SNTB1: variants seen among roughly 807,000 people sequenced by gnomAD.
SNTB1 encodes the protein syntrophin beta 1, also known as beta-1-syntrophin.
SNTB1 carries 36 observed loss-of-function variants against 48.9 expected under a neutral mutation model. The ratio of observed to expected loss-of-function variants is 0.74; its 90% CI spans 0.56 to 0.97. SNTB1 has a LOEUF of 0.97. Among genes scored for constraint, SNTB1 ranks in the 50% least tolerant of loss-of-function variants. The pLI, the probability that SNTB1 is intolerant of heterozygous loss-of-function variation, is 0.00. For missense variants in SNTB1, 786 were observed against 703.4 expected, an observed-to-expected ratio of 1.12 and a Z score of -1.33; for synonymous variants, 299 against 294.6, an observed-to-expected ratio of 1.01 and a Z score of -0.15.
chr8:120,697,175 T>C lies in SNTB1; in HGVS notation c.572-3267A>G, dbSNP rs146101002. Among the ~76,000 whole-genome samples, 50 of 152,348 alleles carry C rather than the reference T, an allele frequency of 3.3e-4. 1 individual carries two copies. The highest frequency in any genetic ancestry group is 1.1e-3 in the African/African-American group (46 of 41,586). ...ATGGGGAGTATAGCAAGTCTTAGCC[T>C]AGAAACAAATATTTGCCAAATAACC... On this transcript the variant is annotated intron_variant, in intron 1 of 6. Transcript: ENST00000517992.
chr8:120,596,867 G>A (rs1267744714), intron 3 of SNTB1, among the ~76,000 whole-genome samples: 1 of 152,152 alleles, frequency 6.6e-6, no homozygotes, highest in African/African-American at 2.4e-5. Flanking sequence ...AGACTACTCT[G>A]TTCATTTCAA....
At chr8:120,803,354 TGTCTTAA>T (rs1820264531) in intron 1 of SNTB1, among the ~76,000 whole-genome samples, 1 of 152,202 alleles carries the variant, frequency 6.6e-6, no homozygotes, top group Admixed American at 6.5e-5. Context: ...TATATATTTT[TGTCTTAA>T]GTCTTAACTC....
chr8:120,709,357 A>G (rs1818426156), intron 1 of SNTB1, among the ~76,000 whole-genome samples: 1 of 152,158 alleles, frequency 6.6e-6, no homozygotes, highest in Non-Finnish European at 1.5e-5. Context: ...AGAGTGAACT[A>G]TTTCAGTTTT....
At chr8:120,708,476 T>C (rs1254794387) in intron 1 of SNTB1, among the ~76,000 whole-genome samples, 2 of 152,012 alleles carry the variant, frequency 1.3e-5, no homozygotes, top group Non-Finnish European at 2.9e-5. Flanking sequence ...ATAACTTTAA[T>C]AACAAAAGAA....
intron 1 of SNTB1, among the ~76,000 whole-genome samples, chr8:120,703,048 A>T (rs528548543): frequency 9.2e-5 from 14 of 152,376 alleles, no homozygotes; most frequent in Admixed American, 2.6e-4. Context: ...TGCAATTAGC[A>T]CAACTGTCTG....
intron 2 of SNTB1, among the ~76,000 whole-genome samples, chr8:120,670,260 T>G (rs1037867351): frequency 1.3e-5 from 2 of 152,218 alleles, no homozygotes; most frequent in East Asian, 3.9e-4. Context: ...TGGAAGGGGT[T>G]TGAAGACAGT....
intron 1 of SNTB1, among the ~76,000 whole-genome samples, chr8:120,711,747 C>T (rs936464898): frequency 6.6e-6 from 1 of 152,014 alleles, no homozygotes; most frequent in African/African-American, 2.4e-5. Flanking sequence ...CTCTGAGGAC[C>T]CTAAAACATA....
At chr8:120,580,782 C>A (rs1464909754) in intron 3 of SNTB1, among the ~76,000 whole-genome samples, 1 of 152,170 alleles carries the variant, frequency 6.6e-6, no homozygotes, top group African/African-American at 2.4e-5. Flanking sequence ...TGCATCAACT[C>A]TCAGGGAGGC....
In SNTB1 at chr8:120,811,685, G is replaced by A; in HGVS notation, c.159C>T (p.Gly53=). The A allele has an allele frequency of 1.3e-6, 2 of 1,589,866 alleles. No homozygotes were observed. Among genetic ancestry groups the A allele is most frequent in the Non-Finnish European group, 1.7e-6 (2 of 1,172,068 alleles). The change falls in exon 1 of 7, where the codon GGC becomes GGT. Residue 53 remains glycine (G), a synonymous_variant. Transcript: ENST00000517992. The stretch of plus-strand genomic sequence containing the variant: ...TCCCGATGCCGTTGTACGCCGCAGC[G>A]CCCTCCTCGCTGCTCAGAACCAGGG... The part of the protein sequence containing the change: ...EDALVLSSEE[G]AAAYNGIGTA...
At chr8:120,752,456 A>C (rs1819236140) in intron 1 of SNTB1, among the ~76,000 whole-genome samples, 1 of 152,162 alleles carries the variant, frequency 6.6e-6, no homozygotes, top group African/African-American at 2.4e-5. Flanking sequence ...TATCTAAAGG[A>C]AAATCAATCA....
At chr8:120,628,479 G>A (rs1816921740) in intron 3 of SNTB1, among the ~76,000 whole-genome samples, 1 of 152,144 alleles carries the variant, frequency 6.6e-6, no homozygotes, top group Non-Finnish European at 1.5e-5. Context: ...GAGGCTGGCT[G>A]GGCATGGTGG....
rs144730299 is a variant in SNTB1, at chr8:120,763,178, G to A, written c.571+48095C>T. Among the ~76,000 whole-genome samples, 124 of 151,872 alleles carry A rather than the reference G, an allele frequency of 8.2e-4. 4 individuals are homozygous for A. The highest frequency in any genetic ancestry group is 6.2e-4 in the Non-Finnish European group (42 of 68,000). ...ATAGATATCATGAATCTTATATATCGCATTACTATATGTGCTTATTTTCCA... is the reference window on the plus strand; with the variant it reads ...ATAGATATCATGAATCTTATATATCACATTACTATATGTGCTTATTTTCCA... On this transcript the variant is annotated intron_variant, in intron 1 of 6. Coordinates refer to ENST00000517992, the MANE Select transcript of SNTB1 (RefSeq NM_021021.4).
At chr8:120,648,423 T>G (rs1177995364) in intron 2 of SNTB1, among the ~76,000 whole-genome samples, 22 of 151,742 alleles carry the variant, frequency 1.4e-4, no homozygotes, top group Non-Finnish European at 2.4e-4. Flanking sequence ...CCTTCACTTA[T>G]GAAGCTTAGT....
chr8:120,710,542 G>T (rs1818445272), intron 1 of SNTB1, among the ~76,000 whole-genome samples: 1 of 152,172 alleles, frequency 6.6e-6, no homozygotes, highest in Non-Finnish European at 1.5e-5. Context: ...CATTATGATA[G>T]TATTGAGGTG....
At chr8:120,686,913 G>A (rs1198314861) in intron 2 of SNTB1, among the ~76,000 whole-genome samples, 1 of 151,928 alleles carries the variant, frequency 6.6e-6, no homozygotes, top group Non-Finnish European at 1.5e-5. Flanking sequence ...CCACCATGAC[G>A]TGCCCAACAA....
intron 3 of SNTB1, among the ~76,000 whole-genome samples, chr8:120,598,312 C>G (rs563484381): frequency 6.6e-6 from 1 of 152,342 alleles, no homozygotes; most frequent in Non-Finnish European, 1.5e-5. Flanking sequence ...TCATCCTCAT[C>G]TCTGCACATT....
intron 1 of SNTB1, among the ~76,000 whole-genome samples, chr8:120,788,716 A>T (rs1240272562): frequency 6.6e-6 from 1 of 151,962 alleles, no homozygotes; most frequent in Non-Finnish European, 1.5e-5. Context: ...ATATGCAACT[A>T]ACTCTGACGC....
At chr8:120,542,740 A>G (rs1002120371) in intron 5 of SNTB1, among the ~76,000 whole-genome samples, 2 of 152,140 alleles carry the variant, frequency 1.3e-5, no homozygotes, top group Admixed American at 1.3e-4. Context: ...GCACACACAC[A>G]CAATTATATC....
intron 4 of SNTB1, among the ~76,000 whole-genome samples, chr8:120,553,829 C>T (rs1037158275): frequency 6.6e-6 from 1 of 152,124 alleles, no homozygotes; most frequent in African/African-American, 2.4e-5. Flanking sequence ...GAAACCACGT[C>T]TCTACTAAAA....
Sources: gnomAD v4.1 joint callset for allele counts (sites outside exome capture counted in the v4.1 genomes callset) on GRCh38, gnomAD v4.1.1 for gene constraint, MANE v1.5 for transcripts, NCBI Gene and HGNC (gene_info 2026-07-23, HGNC 2026-07-21) for gene names.